BNC2: variants seen among roughly 807,000 people sequenced by gnomAD.
BNC2 encodes the protein basonuclin zinc finger protein 2, also known as zinc finger protein basonuclin-2.
Under a neutral mutation model 76.3 loss-of-function variants are expected in BNC2, and 20 were observed. The observed-to-expected ratio is 0.26, with a 90% CI of 0.18 to 0.38. The LOEUF is 0.38. Ranked by LOEUF, BNC2 falls within the 10% of genes least tolerant of loss-of-function variation. The pLI, the probability that BNC2 is intolerant of heterozygous loss-of-function variation, is 1.00. For missense variants in BNC2, 1,382 were observed against 1,399.8 expected, an observed-to-expected ratio of 0.99 and a Z score of 0.20; for synonymous variants, 582 against 514.8, an observed-to-expected ratio of 1.13 and a Z score of -1.77.
At chr9:16,741,696 G>A (rs560360866) in intron 1 of BNC2, among the ~76,000 whole-genome samples, 4 of 152,002 alleles carry the variant, frequency 2.6e-5, no homozygotes, top group South Asian at 4.1e-4. Flanking sequence ...GGTGGCTCAC[G>A]CCTGTAATCC....
At chr9:16,604,273 G>C (rs570028618) in intron 3 of BNC2, among the ~76,000 whole-genome samples, 1 of 152,134 alleles carries the variant, frequency 6.6e-6, no homozygotes. Context: ...CTTTATAAAA[G>C]AGAAGCAATG....
intron 6 of BNC2, among the ~76,000 whole-genome samples, chr9:16,434,688 T>A (rs1043837809): frequency 3.3e-5 from 5 of 152,148 alleles, no homozygotes; most frequent in Admixed American, 2.0e-4. Flanking sequence ...ATAAAGAACC[T>A]TGTAGGTTTA....
At chr9:16,686,585 C>G (rs1822985225) in intron 3 of BNC2, among the ~76,000 whole-genome samples, 2 of 152,166 alleles carry the variant, frequency 1.3e-5, no homozygotes, top group African/African-American at 4.8e-5. Context: ...TATCAAAGCA[C>G]TCCTCTGTTT....
intron 1 of BNC2, among the ~76,000 whole-genome samples, chr9:16,788,106 A>ATC (rs1383630750): frequency 1.3e-5 from 2 of 152,174 alleles, no homozygotes; most frequent in African/African-American, 2.4e-5. Context: ...ACAGAAGAGA[A>ATC]TCTCCAGCCT....
At chr9:16,565,528 C>A (rs1301047340) in intron 4 of BNC2, among the ~76,000 whole-genome samples, 1 of 152,114 alleles carries the variant, frequency 6.6e-6, no homozygotes, top group Admixed American at 6.6e-5. Flanking sequence ...AAAAATTACA[C>A]TGCAGGGCAC....
Position 16,428,767 on chromosome 9 carries a change from T to C in BNC2, c.2639+6788A>G, listed in dbSNP as rs1475093189. 3.3e-5 allele frequency among the ~76,000 whole-genome samples: 5 copies of C among 152,060 alleles called. No homozygotes were observed. In the East Asian group the frequency reaches 9.6e-4, roughly 29 times the overall value. ...TTTTCCCCCTAGTTAATAAAAGAAGTAATAAACTCTATAAAGTACTAGAGT... is the reference window on the plus strand; with the variant it reads ...TTTTCCCCCTAGTTAATAAAAGAAGCAATAAACTCTATAAAGTACTAGAGT... On this transcript the variant is annotated intron_variant, in intron 6 of 6. Transcript: ENST00000380672.
intron 1 of BNC2, among the ~76,000 whole-genome samples, chr9:16,813,105 G>C (rs1434544538): frequency 2.0e-5 from 3 of 152,008 alleles, no homozygotes; most frequent in Non-Finnish European, 2.9e-5. Flanking sequence ...GGCTGAGGCA[G>C]GAGAATCACT....
chr9:16,804,518 C>T (rs528783902), intron 1 of BNC2, among the ~76,000 whole-genome samples: 1 of 152,336 alleles, frequency 6.6e-6, no homozygotes, highest in East Asian at 1.9e-4. Flanking sequence ...TGCCTCAGCA[C>T]ATGACCGCTC....
intron 3 of BNC2, chr9:16,699,254 C>T (rs960444986): frequency 6.4e-6 from 3 of 468,240 alleles, no homozygotes; most frequent in African/African-American, 4.0e-5. Context: ...AAAAAAGTCC[C>T]TTATAGAAGC....
At chr9:16,600,617 T>A (rs1820218382) in intron 3 of BNC2, among the ~76,000 whole-genome samples, 1 of 152,238 alleles carries the variant, frequency 6.6e-6, no homozygotes, top group Admixed American at 6.5e-5. Context: ...TCATTTTTAA[T>A]GTTTACCTAT....
chr9:16,518,402 G>A (rs1003291778), intron 5 of BNC2, among the ~76,000 whole-genome samples: 7 of 152,066 alleles, frequency 4.6e-5, no homozygotes, highest in African/African-American at 1.7e-4. Flanking sequence ...ACTCCAGCCA[G>A]TGTAATAGGG....
At chr9:16,821,634 T>C (rs934477036) in intron 1 of BNC2, among the ~76,000 whole-genome samples, 1 of 152,010 alleles carries the variant, frequency 6.6e-6, no homozygotes, top group Admixed American at 6.6e-5. Flanking sequence ...TGCAAGGAGC[T>C]TGGGAAAGAG....
intron 5 of BNC2, among the ~76,000 whole-genome samples, chr9:16,513,432 G>C (rs368985930): frequency 1.3e-5 from 2 of 148,750 alleles, no homozygotes; most frequent in African/African-American, 4.9e-5. Context: ...TCAGCCTCCC[G>C]AGTAGCTGGG....
chr9:16,494,038 C>T (rs1822333994), intron 5 of BNC2, among the ~76,000 whole-genome samples: 3 of 152,292 alleles, frequency 2.0e-5, no homozygotes, highest in African/African-American at 7.2e-5. Context: ...TTGTCCTAGG[C>T]ACTGGAGATA....
intron 3 of BNC2, chr9:16,685,703 G>A: frequency 9.7e-7 from 1 of 1,033,870 alleles, no homozygotes. Context: ...CTTGACCCAG[G>A]CAGAGAGAGG....
chr9:16,577,244 T>C (rs558476617), intron 4 of BNC2, among the ~76,000 whole-genome samples: 30 of 152,226 alleles, frequency 2.0e-4, no homozygotes, highest in African/African-American at 6.5e-4. Flanking sequence ...AAAAATTCTA[T>C]ATTTTCTATT....
chr9:16,488,943 T>C (rs768088546), intron 5 of BNC2, among the ~76,000 whole-genome samples: 16 of 152,224 alleles, frequency 1.1e-4, no homozygotes, highest in Non-Finnish European at 1.8e-4. Context: ...CTAATCACTC[T>C]GCTTTCCAAA....
At chr9:16,756,749 G>A (rs2135338699) in intron 1 of BNC2, among the ~76,000 whole-genome samples, 1 of 152,312 alleles carries the variant, frequency 6.6e-6, no homozygotes, top group South Asian at 2.1e-4. Context: ...CAGCACTTTG[G>A]GAGGCTGAGG....
intron 6 of BNC2, chr9:16,434,714 G>T (rs1820968976): frequency 2.4e-6 from 1 of 409,550 alleles, no homozygotes; most frequent in African/African-American, 2.1e-5. Context: ...ATCTGCTTCT[G>T]CTTAAGCCCA....
Sources: gnomAD v4.1 joint callset for allele counts (sites outside exome capture counted in the v4.1 genomes callset) on GRCh38, gnomAD v4.1.1 for gene constraint, MANE v1.5 for transcripts, NCBI Gene and HGNC (gene_info 2026-07-23, HGNC 2026-07-21) for gene names.